Variants in RRM2 observed in about 807,000 individuals in gnomAD.
RRM2 encodes the protein ribonucleotide reductase regulatory subunit M2.
RRM2 carries 6 observed loss-of-function variants against 45.9 expected under a neutral mutation model. The ratio of observed to expected loss-of-function variants is 0.13; its 90% CI spans 0.07 to 0.26. The LOEUF (loss-of-function observed/expected upper bound fraction) is 0.26, where lower values mean the gene tolerates loss of function less well. RRM2 is among the 10% of genes least tolerant of loss of function. RRM2 has a pLI of 1.00. For missense variants in RRM2, 343 were observed against 489.5 expected, an observed-to-expected ratio of 0.70 and a Z score of 2.82; for synonymous variants, 177 against 173.0, an observed-to-expected ratio of 1.02 and a Z score of -0.18.
intron 3 of RRM2, among the ~76,000 whole-genome samples, chr2:10,192,884 G>A (rs10187710): frequency 0.46 from 69,373 of 152,108 alleles, 16,281 homozygotes; most frequent in East Asian, 0.56. Flanking sequence ...GCCAGCCTCT[G>A]TCCTCCAGCA....
At chr2:10,157,541 G>A (rs1214883575) in intron 3 of RRM2, among the ~76,000 whole-genome samples, 1 of 152,186 alleles carries the variant, frequency 6.6e-6, no homozygotes, top group Non-Finnish European at 1.5e-5. Flanking sequence ...TCCATCCCCA[G>A]AGATGGCCGC....
chr2:10,143,049 A>G (rs936520594), intron 3 of RRM2, among the ~76,000 whole-genome samples: 3 of 151,974 alleles, frequency 2.0e-5, no homozygotes, highest in Non-Finnish European at 4.4e-5. Context: ...AATTTTTTGT[A>G]TTTTTAGTAG....
chr2:10,159,956 T>C (rs1663521119), intron 3 of RRM2, among the ~76,000 whole-genome samples: 1 of 152,188 alleles, frequency 6.6e-6, no homozygotes, highest in South Asian at 2.1e-4. Context: ...TCTTACCCTT[T>C]GTGCTTAGTG....
chr2:10,181,094 C>T (rs113306555), intron 3 of RRM2, among the ~76,000 whole-genome samples: 3,118 of 152,254 alleles, frequency 0.02, 113 homozygotes, highest in African/African-American at 0.071. Context: ...GTATTGATAA[C>T]CACCACCACT....
At chr2:10,126,795 C>A in intron 5 of RRM2, 80 bp from the exon 6 acceptor site, 1 of 1,059,360 alleles carries the variant, frequency 9.4e-7, no homozygotes, top group Non-Finnish European at 1.4e-6. Flanking sequence ...GCCTTTGTCC[C>A]AGAGCTCTTA....
intron 3 of RRM2, chr2:10,199,291 G>A (rs984920909): frequency 1.1e-4 from 15 of 136,564 alleles, no homozygotes; most frequent in South Asian, 2.7e-4. Context: ...AAAAAAAAGG[G>A]GGGGGGGAAG....
chr2:10,159,188 G>A (rs992512181), intron 3 of RRM2, among the ~76,000 whole-genome samples: 10 of 152,176 alleles, frequency 6.6e-5, no homozygotes, highest in African/African-American at 2.2e-4. Flanking sequence ...CCACTCCCTT[G>A]TGGGTGGAGA....
Position 10,171,526 on chromosome 2 carries a change from T to G in RRM2, n.482+29151T>G, listed in dbSNP as rs1663805627. ...TGGGTCGAGTGAGCTAAGCAGGGCT[T>G]GGCAAGGTGGTGTCCCCCGGTCAGT... On this transcript the variant is annotated intron_variant and non_coding_transcript_variant, in intron 3 of 3. Transcript: ENST00000381786. The surrounding 1 kb of genome is among the most constrained non-coding windows in gnomAD (Gnocchi z 4.1). 6.6e-6 allele frequency among the ~76,000 whole-genome samples: 1 copy of G among 152,196 alleles called. No individual in the cohort carries two copies. Among genetic ancestry groups the G allele is most frequent in the African/African-American group, 2.4e-5 (1 of 41,444 alleles).
chr2:10,208,877 C>T (rs886581408), intron 3 of RRM2, among the ~76,000 whole-genome samples: 1 of 152,010 alleles, frequency 6.6e-6, no homozygotes, highest in Non-Finnish European at 1.5e-5. Flanking sequence ...CCTCACCCAT[C>T]CAACAGATGC....
Position 10,123,377 on chromosome 2 carries a change from C to T in RRM2, c.175-10C>T, listed in dbSNP as rs559010900. On this transcript the variant is annotated splice_polypyrimidine_tract_variant and intron_variant, in intron 2 of 9. Transcript: ENST00000304567. The stretch of plus-strand genomic sequence containing the variant: ...CCGGTACTTAAATGTTTTATTTTCT[C>T]CCCCAACAGAAAACTAAAGCAGCTG... The T allele has an allele frequency of 1.5e-5, 24 of 1,600,928 alleles. No homozygotes were observed. In the South Asian group the frequency reaches 2.5e-4, roughly 17 times the overall value.
At chr2:10,200,483 C>CGCCATCTAAGGGCTCT (rs1296330956) in intron 3 of RRM2, among the ~76,000 whole-genome samples, 8 of 61,680 alleles carry the variant, frequency 1.3e-4, no homozygotes, top group African/African-American at 4.6e-4. Flanking sequence ...ATATGAGGCC[C>CGCCATCTAAGGGCTCT]ACAGGCACCG....
intron 1 of RRM2, chr2:10,141,755 G>C: frequency 2.1e-6 from 3 of 1,460,952 alleles, no homozygotes; most frequent in African/African-American, 1.7e-5. Context: ...ACGGGAAACA[G>C]AGCCCCAGGA....
chr2:10,142,407 G>A (rs779937692), intron 3 of RRM2: 1 of 1,368,290 alleles, frequency 7.3e-7, no homozygotes, highest in Non-Finnish European at 9.8e-7. Flanking sequence ...CACGGTGGGG[G>A]AAGAGGGGCC....
At chr2:10,192,112 C>T (rs1664319188) in intron 3 of RRM2, among the ~76,000 whole-genome samples, 1 of 5,526 alleles carries the variant, frequency 1.8e-4, no homozygotes, top group Admixed American at 2.1e-3. Flanking sequence ...TGTGACAGCC[C>T]AGAGCTCCCG....
At chr2:10,174,469 C>T (rs1199936726) in intron 3 of RRM2, among the ~76,000 whole-genome samples, 1 of 151,672 alleles carries the variant, frequency 6.6e-6, no homozygotes, top group Non-Finnish European at 1.5e-5. Flanking sequence ...AGCAGGCCCA[C>T]AAGCGAGCGC....
rs77323676 is a variant in RRM2, at chr2:10,126,736, C to T, written c.570-139C>T. 5,444 of 678,218 alleles carry T rather than the reference C, an allele frequency of 8.0e-3. 232 individuals are homozygous for T. In the African/African-American group the frequency reaches 0.087, roughly 11 times the overall value. The allele number at this position is 678,218 out of a possible 1,614,324, so 42.0% of individuals were successfully genotyped here. A position where few individuals can be genotyped will look rare whatever the true frequency, so the allele number is the denominator to read the frequency against. On this transcript the variant is annotated intron_variant, in intron 5 of 9. Coordinates refer to ENST00000304567, the MANE Select transcript of RRM2 (RefSeq NM_001034.4). The stretch of plus-strand genomic sequence containing the variant: ...ACTGACCAGTAAAAATAAAACATTT[C>T]GGTGTGAGTTCTTCCTTTAGGAAGA...
chr2:10,162,446 T>C (rs1663582406), intron 3 of RRM2, among the ~76,000 whole-genome samples: 1 of 152,088 alleles, frequency 6.6e-6, no homozygotes, highest in African/African-American at 2.4e-5. Context: ...CTGTGTGACG[T>C]CTGGGCCTTG....
chr2:10,164,055 T>A (rs1341411043), intron 3 of RRM2, among the ~76,000 whole-genome samples: 1 of 152,138 alleles, frequency 6.6e-6, no homozygotes, highest in Admixed American at 6.5e-5. Flanking sequence ...TATGTGTGTG[T>A]GCATGAGTGA....
At chr2:10,156,672 T>C (rs1663432555) in intron 3 of RRM2, among the ~76,000 whole-genome samples, 1 of 152,240 alleles carries the variant, frequency 6.6e-6, no homozygotes, top group South Asian at 2.1e-4. Context: ...GGACAGGGTC[T>C]CTGTCACCTA....
Sources: gnomAD v4.1 joint callset for allele counts (sites outside exome capture counted in the v4.1 genomes callset) on GRCh38, gnomAD v4.1.1 for gene constraint, Gnocchi (gnomAD v3.1) non-coding constraint, MANE v1.5 for transcripts, NCBI Gene and HGNC (gene_info 2026-07-23, HGNC 2026-07-21) for gene names.